The following SSBP2 variants were observed in gnomAD, a reference collection of about 807,000 sequenced individuals.
The protein encoded by SSBP2 is single stranded DNA binding protein 2.
A neutral mutation model predicts 61.8 loss-of-function variants in SSBP2; 17 were observed. The ratio of observed to expected loss-of-function variants is 0.28; its 90% CI spans 0.19 to 0.41. The LOEUF is 0.41. SSBP2 is among the 10% of genes least tolerant of loss of function. The pLI is 1.00. For missense variants in SSBP2, 310 were observed against 458.7 expected (o/e 0.68, Z 2.96); for synonymous variants, 139 against 141.3 (o/e 0.98, Z 0.12).
At chr5:81,576,736 T>C (rs937578810) in intron 4 of SSBP2, among the ~76,000 whole-genome samples, 1 of 152,112 alleles carries the variant, frequency 6.6e-6, no homozygotes, top group Non-Finnish European at 1.5e-5. Context: ...TAAAACTTCA[T>C]GGTATAATTA....
At chr5:81,592,142 T>C (rs994633818) in intron 4 of SSBP2, among the ~76,000 whole-genome samples, 3 of 152,180 alleles carry the variant, frequency 2.0e-5, no homozygotes, top group Non-Finnish European at 2.9e-5. Context: ...ACCCTAATAC[T>C]GCGCTTTTCC....
intron 4 of SSBP2, among the ~76,000 whole-genome samples, chr5:81,525,427 T>C (rs577299758): frequency 6.6e-6 from 1 of 152,100 alleles, no homozygotes; most frequent in Non-Finnish European, 1.5e-5. Flanking sequence ...ACTGAGAACA[T>C]GTGGCATTTG....
chr5:81,580,760 A>AAC (rs1774580305), intron 4 of SSBP2, among the ~76,000 whole-genome samples: 1 of 151,874 alleles, frequency 6.6e-6, no homozygotes, highest in African/African-American at 2.4e-5. Context: ...TAAAAAAAAA[A>AAC]AAAATGATTT....
At chr5:81,475,777 C>T (rs1765545961) in intron 6 of SSBP2, among the ~76,000 whole-genome samples, 3 of 152,122 alleles carry the variant, frequency 2.0e-5, no homozygotes, top group Non-Finnish European at 4.4e-5. Flanking sequence ...GGGATCACTT[C>T]CTAACAAAAT....
chr5:81,484,543 AAAT>A (rs748564854), intron 6 of SSBP2, among the ~76,000 whole-genome samples: 3 of 152,126 alleles, frequency 2.0e-5, no homozygotes, highest in Non-Finnish European at 4.4e-5. Flanking sequence ...GTTGGATTTG[AAAT>A]AATAATTTAA....
In SSBP2 at chr5:81,493,708, A is replaced by G. The variant is rs374962583; in HGVS notation, c.373-4399T>C. On this transcript the variant is annotated intron_variant, in intron 5 of 16. Transcript: ENST00000320672. ...GAGGCCGGGGTTGCAGTGAGCCAAG[A>G]CCATGCCATTGCATTCCAGCCTGGG... Among the ~76,000 whole-genome samples the G allele has an allele frequency of 2.9e-3, 444 of 151,804 alleles. 1 individual carries two copies. The highest frequency in any genetic ancestry group is 0.01 in the African/African-American group (429 of 41,332).
At chr5:81,750,271 C>A (rs1179966194) in intron 1 of SSBP2, among the ~76,000 whole-genome samples, 2 of 149,502 alleles carry the variant, frequency 1.3e-5, no homozygotes, top group Non-Finnish European at 3.0e-5. Context: ...CAGCCCCAGC[C>A]CCGCGATGCG....
intron 14 of SSBP2, among the ~76,000 whole-genome samples, chr5:81,439,340 T>C (rs1561399472): frequency 1.3e-5 from 2 of 152,288 alleles, no homozygotes; most frequent in East Asian, 3.9e-4. Context: ...TGTTTTGCAT[T>C]TGACCTATGT....
intron 4 of SSBP2, among the ~76,000 whole-genome samples, chr5:81,614,536 T>A (rs1327612891): frequency 6.6e-6 from 1 of 152,158 alleles, no homozygotes; most frequent in Non-Finnish European, 1.5e-5. Context: ...CAAGGTCTTT[T>A]TTCCCTTTTG....
chr5:81,724,784 C>G (rs1279988951), intron 1 of SSBP2, among the ~76,000 whole-genome samples: 2 of 152,038 alleles, frequency 1.3e-5, no homozygotes, highest in African/African-American at 4.8e-5. Context: ...CATGTTGTGA[C>G]GTGATGATTT....
intron 5 of SSBP2, among the ~76,000 whole-genome samples, chr5:81,508,724 T>C (rs1464601162): frequency 1.3e-5 from 2 of 152,142 alleles, no homozygotes; most frequent in Admixed American, 6.5e-5. Flanking sequence ...TCTATACTTA[T>C]CATGGAAGAG....
At chr5:81,679,596 T>C (rs1032477600) in intron 1 of SSBP2, among the ~76,000 whole-genome samples, 5 of 152,274 alleles carry the variant, frequency 3.3e-5, no homozygotes, top group Middle Eastern at 3.4e-3. Context: ...AAAAGCATAA[T>C]TGATATGCTA....
chr5:81,674,479 A>C (rs1289040058), intron 1 of SSBP2, among the ~76,000 whole-genome samples: 1 of 152,154 alleles, frequency 6.6e-6, no homozygotes, highest in Non-Finnish European at 1.5e-5. Context: ...TATTCAATTG[A>C]CTCAATGACA....
rs111895506 is a variant in SSBP2 at position 81,681,248 on chromosome 5, G to A, written c.63-30909C>T. Among the ~76,000 whole-genome samples the A allele has an allele frequency of 5.5e-3, 837 of 151,960 alleles. 7 individuals are homozygous for A. The highest frequency in any genetic ancestry group is 0.019 in the African/African-American group (775 of 41,416). On this transcript the variant is annotated intron_variant, in intron 1 of 16. Transcript: ENST00000320672. ...AAAAAATGAAAATATGGTCAGGCGCGGTGGCTCATGCCTGTAATCCCAGCA... is the reference window on the plus strand; with the variant it reads ...AAAAAATGAAAATATGGTCAGGCGCAGTGGCTCATGCCTGTAATCCCAGCA...
At chr5:81,616,607 AAGG>A (rs1746074262) in intron 3 of SSBP2, 1 of 145,406 alleles carries the variant, frequency 6.9e-6, no homozygotes, top group African/African-American at 2.6e-5. Flanking sequence ...ACCACAGCTC[AAGG>A]AGGCCTGCCT....
rs376883268 is a variant in SSBP2, at chr5:81,420,680, CTA to C, written c.1057-149_1057-148del. 1.0e-3 allele frequency: 681 copies of C among 673,858 alleles called. 6 individuals carry two copies. The East Asian group carries it at 0.016, about 16-fold the overall frequency. The allele number at this position is 673,858 out of a possible 1,614,324, so 41.7% of individuals were successfully genotyped here. ...ATCTCATACAACATAAAATAAGAAA[CTA>C]TAAAAAAAGTAAAATGATACAGACT... On this transcript the variant is annotated intron_variant, in intron 16 of 16. Coordinates refer to ENST00000320672, the MANE Select transcript of SSBP2 (RefSeq NM_012446.5).
At chr5:81,673,879 G>A (rs1015371496) in intron 1 of SSBP2, among the ~76,000 whole-genome samples, 1 of 152,154 alleles carries the variant, frequency 6.6e-6, no homozygotes, top group African/African-American at 2.4e-5. Flanking sequence ...GTTACAGACT[G>A]AGAAATGAAC....
chr5:81,515,884 T>C (rs1415645378), intron 4 of SSBP2, among the ~76,000 whole-genome samples: 2 of 151,902 alleles, frequency 1.3e-5, no homozygotes, highest in Non-Finnish European at 2.9e-5. Flanking sequence ...TTTCATCTTA[T>C]GCTTTAAATT....
At chr5:81,434,930 A>AG (rs1762581274) in intron 15 of SSBP2, among the ~76,000 whole-genome samples, 1 of 152,130 alleles carries the variant, frequency 6.6e-6, no homozygotes, top group African/African-American at 2.4e-5. Context: ...AATCTGGGGC[A>AG]GGGGGTATAC....
Sources: gnomAD v4.1 joint callset for allele counts (sites outside exome capture counted in the v4.1 genomes callset) on GRCh38, gnomAD v4.1.1 for gene constraint, MANE v1.5 for transcripts, NCBI Gene and HGNC (gene_info 2026-07-23, HGNC 2026-07-21) for gene names.